The following GRB14 variants were observed in gnomAD, a reference collection of about 807,000 sequenced individuals.
The protein encoded by GRB14 is growth factor receptor-bound protein 14.
GRB14 carries 38 observed loss-of-function variants against 69.1 expected under a neutral mutation model. The ratio of observed to expected loss-of-function variants is 0.55; its 90% CI spans 0.42 to 0.72. GRB14 has a LOEUF of 0.72. Among genes scored for constraint, GRB14 ranks in the 30% least tolerant of loss-of-function variants. GRB14 has a pLI of 0.00. For missense variants in GRB14, 666 were observed against 666.1 expected (o/e 1.00, Z 0.00); for synonymous variants, 247 against 241.3 (o/e 1.02, Z -0.22).
At position 164,497,252 on chromosome 2, in the gene GRB14, C is replaced by T; in HGVS notation, c.1253G>A (p.Gly418Asp). The T allele has an allele frequency of 6.2e-7, 1 of 1,613,710 alleles. No individual in the cohort carries two copies. The highest frequency in any genetic ancestry group is 1.3e-5 in the African/African-American group (1 of 75,020). The change falls in exon 11 of 14, where the codon GGT becomes GAT. Residue 418 changes from glycine to aspartate, a missense_variant. Gly to Asp is a moderately conservative substitution (Grantham distance 94, BLOSUM62 -1). Coordinates refer to ENST00000263915, the MANE Select transcript of GRB14 (RefSeq NM_004490.3). ...GCTCTGTGAAGAGGCAGTGGGGCTA[C>T]CGTGAGTGCCCAGGCGTAAACATCC... ...KKGCLRLGTH[G>D]SPTASSQSSA...
intron 2 of GRB14, among the ~76,000 whole-genome samples, chr2:164,578,121 T>C (rs942591079): frequency 6.6e-6 from 1 of 151,888 alleles, no homozygotes; most frequent in Non-Finnish European, 1.5e-5. Flanking sequence ...TAATTCCAGC[T>C]ACCCAGGAGG....
rs117012845 is a variant in GRB14 at position 164,574,473 on chromosome 2, T to C, written c.325-26657A>G. Among the ~76,000 whole-genome samples the C allele has an allele frequency of 1.6e-3, 239 of 152,150 alleles. 7 individuals carry two copies. The East Asian group carries it at 0.038, about 24-fold the overall frequency. The stretch of plus-strand genomic sequence containing the variant: ...CCAGGATGGTCTCAATCTTTCGACC[T>C]GATCCGCCCACCTTGGCCTCCCAAA... On this transcript the variant is annotated intron_variant, in intron 2 of 13. Coordinates refer to ENST00000263915, the MANE Select transcript of GRB14 (RefSeq NM_004490.3).
At chr2:164,550,320 C>G in intron 2 of GRB14, among the ~76,000 whole-genome samples, 1 of 152,178 alleles carries the variant, frequency 6.6e-6, no homozygotes, top group African/African-American at 2.4e-5. Flanking sequence ...TCCTAAATAA[C>G]CACATAGAAG....
At chr2:164,547,905 C>T (rs769946824) in intron 2 of GRB14, 89 bp from the exon 3 acceptor site, 31 of 774,364 alleles carry the variant, frequency 4.0e-5, no homozygotes, top group South Asian at 9.2e-5. Context: ...GTATACAACA[C>T]GATATTATGA....
At chr2:164,500,627 T>C (rs1321294691) in intron 9 of GRB14, among the ~76,000 whole-genome samples, 2 of 152,046 alleles carry the variant, frequency 1.3e-5, no homozygotes, top group Non-Finnish European at 2.9e-5. Flanking sequence ...TTCATGTAAA[T>C]TAATAATATT....
chr2:164,598,502 G>A (rs1689839887), intron 2 of GRB14, among the ~76,000 whole-genome samples: 2 of 152,120 alleles, frequency 1.3e-5, no homozygotes, highest in Admixed American at 1.3e-4. Context: ...AATTACACTG[G>A]AATGTAACTT....
At chr2:164,526,689 C>T (rs942298662) in intron 4 of GRB14, among the ~76,000 whole-genome samples, 6 of 151,892 alleles carry the variant, frequency 4.0e-5, no homozygotes, top group Admixed American at 3.3e-4. Flanking sequence ...ATTCATTTCC[C>T]ACATCAAATG....
chr2:164,549,928 TAAAATA>T (rs1688492087), intron 2 of GRB14, among the ~76,000 whole-genome samples: 3 of 150,450 alleles, frequency 2.0e-5, no homozygotes, highest in Non-Finnish European at 4.4e-5. Context: ...TAAAATAAAA[TAAAATA>T]AAATTTCATA....
chr2:164,572,275 C>A (rs1017152764), intron 2 of GRB14, among the ~76,000 whole-genome samples: 5 of 152,152 alleles, frequency 3.3e-5, no homozygotes, highest in Non-Finnish European at 7.4e-5. Context: ...TTCAAGTCCC[C>A]CTTTCAAATC....
In GRB14 at chr2:164,492,962, C is replaced by G. The variant is rs1686794894; in HGVS notation, c.*74G>C. ...TCTTTTCACATGGTAATGTTTTCGCCCTTATTTATGGTCTTTTATTATTTT... is the reference window on the plus strand; with the variant it reads ...TCTTTTCACATGGTAATGTTTTCGCGCTTATTTATGGTCTTTTATTATTTT... On this transcript the variant is annotated 3_prime_UTR_variant, in exon 14 of 14. Transcript: ENST00000263915. 2.2e-6 allele frequency: 3 copies of G among 1,369,278 alleles called. No homozygotes were observed. Among genetic ancestry groups the G allele is most frequent in the African/African-American group, 2.9e-5 (2 of 68,182 alleles). 84.8% of individuals were successfully genotyped at this position (1,369,278 alleles called of 1,614,324 possible).
chr2:164,512,460 C>T (rs1209848204), intron 6 of GRB14, among the ~76,000 whole-genome samples: 1 of 152,210 alleles, frequency 6.6e-6, no homozygotes, highest in Non-Finnish European at 1.5e-5. Context: ...AGCCACCACA[C>T]CTGGCCGATT....
chr2:164,555,046 C>T (rs938989796), intron 2 of GRB14, among the ~76,000 whole-genome samples: 1 of 152,116 alleles, frequency 6.6e-6, no homozygotes, highest in Admixed American at 6.5e-5. Flanking sequence ...GTATGTATCA[C>T]CTTGCTCCCA....
At chr2:164,596,020 A>C (rs1354881653) in intron 2 of GRB14, among the ~76,000 whole-genome samples, 1 of 152,150 alleles carries the variant, frequency 6.6e-6, no homozygotes, top group Non-Finnish European at 1.5e-5. Flanking sequence ...GCCACTCGGA[A>C]GGCTGAGGCA....
In GRB14 at chr2:164,502,409, A is replaced by G. The variant is rs890432512; in HGVS notation, c.1024-74T>C. ...ATAATCTATGAAAATCAACACTTTCATCAATTATACAATATAAATATAAAA... is the reference window on the plus strand; with the variant it reads ...ATAATCTATGAAAATCAACACTTTCGTCAATTATACAATATAAATATAAAA... On this transcript the variant is annotated intron_variant, in intron 8 of 13. Transcript: ENST00000263915. The G allele has an allele frequency of 8.0e-6, 7 of 870,482 alleles. No individual in the cohort carries two copies. In the African/African-American group the frequency reaches 1.0e-4, roughly 12 times the overall value. The allele number at this position is 870,482 out of a possible 1,614,324, so 53.9% of individuals were successfully genotyped here.
At chr2:164,504,134 G>A (rs904505622) in intron 8 of GRB14, among the ~76,000 whole-genome samples, 5 of 151,670 alleles carry the variant, frequency 3.3e-5, no homozygotes, top group Admixed American at 6.6e-5. Flanking sequence ...TTTATCCAAA[G>A]AGAAAAAGAG....
chr2:164,550,568 A>T (rs551235450), intron 2 of GRB14, among the ~76,000 whole-genome samples: 1 of 152,218 alleles, frequency 6.6e-6, no homozygotes, highest in African/African-American at 2.4e-5. Context: ...CTATTGGAGA[A>T]TATTTACCAG....
At chr2:164,501,032 G>A (rs934274637) in intron 9 of GRB14, among the ~76,000 whole-genome samples, 1 of 151,946 alleles carries the variant, frequency 6.6e-6, no homozygotes, top group African/African-American at 2.4e-5. Flanking sequence ...GTTTAGGAAA[G>A]GATTAATATA....
chr2:164,533,547 A>G (rs1688006962), intron 3 of GRB14, among the ~76,000 whole-genome samples: 1 of 152,212 alleles, frequency 6.6e-6, no homozygotes, highest in Non-Finnish European at 1.5e-5. Context: ...AAAGGTATTC[A>G]ATAAATATTT....
chr2:164,520,101 C>T lies in GRB14; in HGVS notation c.816+1879G>A, dbSNP rs144401600. Among the ~76,000 whole-genome samples the T allele has an allele frequency of 1.4e-3, 215 of 152,020 alleles. 7 individuals are homozygous for T. In the East Asian group the frequency reaches 0.034, roughly 24 times the overall value. On this transcript the variant is annotated intron_variant, in intron 6 of 13. Transcript: ENST00000263915. The stretch of plus-strand genomic sequence containing the variant: ...ACAAACCTGGAGGCATCACATTACC[C>T]GACTTCAAACTATACTACAAGGCCA...
Sources: allele counts gnomAD v4.1 joint callset (sites outside exome capture counted in the v4.1 genomes callset), GRCh38; gene constraint gnomAD v4.1.1; transcripts MANE v1.5; gene names NCBI Gene and HGNC (gene_info 2026-07-23, HGNC 2026-07-21).